Variants in SYT16 observed in about 807,000 individuals in gnomAD.
SYT16 encodes synaptotagmin 16.
In SYT16, 42 loss-of-function variants were observed where a neutral mutation model predicts 61.4. The ratio of observed to expected loss-of-function variants is 0.68; its 90% CI spans 0.53 to 0.89. SYT16 has a LOEUF of 0.89. Ranked by LOEUF, SYT16 falls within the 40% of genes least tolerant of loss-of-function variation. The probability of loss-of-function intolerance (pLI) is 0.00; values close to 1 mark genes in which losing one functional copy is unlikely to be tolerated. For synonymous variants in SYT16, 314 were observed against 302.3 expected, an observed-to-expected ratio of 1.04 and a Z score of -0.40; for missense variants, 804 against 807.3, an observed-to-expected ratio of 1.00 and a Z score of 0.05.
Position 62,104,323 on chromosome 14 carries a change from A to G in SYT16, c.*3616A>G, listed in dbSNP as rs1444480082. The G allele has an allele frequency of 1.3e-5, 2 of 152,206 alleles. No homozygotes were observed. Among genetic ancestry groups the G allele is most frequent in the Admixed American group, 6.5e-5 (1 of 15,276 alleles). The allele number at this position is 152,206 out of a possible 1,614,324, so 9.4% of individuals were successfully genotyped here. ...ATAAAGAAACAGGACTAGAACACGCATGTGGTATCTCCTTTTACTTTTGAG... is the reference window on the plus strand; with the variant it reads ...ATAAAGAAACAGGACTAGAACACGCGTGTGGTATCTCCTTTTACTTTTGAG... On this transcript the variant is annotated 3_prime_UTR_variant, in exon 8 of 8. Coordinates refer to ENST00000683842, the MANE Select transcript of SYT16 (RefSeq NM_001367656.1).
intron 2 of SYT16, among the ~76,000 whole-genome samples, chr14:61,989,065 A>G (rs1290460019): frequency 1.3e-5 from 2 of 152,126 alleles, no homozygotes. Context: ...TATCTTCCAC[A>G]AAAGTTTTTA....
chr14:61,983,476 T>C (rs2052171961), intron 2 of SYT16, among the ~76,000 whole-genome samples: 1 of 152,212 alleles, frequency 6.6e-6, no homozygotes, highest in South Asian at 2.1e-4. Context: ...ACTCTGGATC[T>C]CCTAAACAGT....
chr14:61,981,031 A>C (rs2052051508), intron 2 of SYT16, among the ~76,000 whole-genome samples: 1 of 152,052 alleles, frequency 6.6e-6, no homozygotes, highest in Admixed American at 6.6e-5. Context: ...GAAGCTGGCA[A>C]GTGTTAAATC....
intron 1 of SYT16, among the ~76,000 whole-genome samples, chr14:61,842,624 A>G (rs1309380499): frequency 6.6e-6 from 1 of 152,160 alleles, no homozygotes; most frequent in Non-Finnish European, 1.5e-5. Context: ...TGTCCTTTGT[A>G]GGGACATGGA....
At chr14:61,866,957 AT>A (rs368063351) in intron 1 of SYT16, among the ~76,000 whole-genome samples, 5 of 146,230 alleles carry the variant, frequency 3.4e-5, no homozygotes, top group South Asian at 2.1e-4. Flanking sequence ...GTCTAGGCTC[AT>A]TTTTTTTTTC....
chr14:61,886,273 A>G (rs1311694759), intron 1 of SYT16, among the ~76,000 whole-genome samples: 1 of 151,854 alleles, frequency 6.6e-6, no homozygotes, highest in African/African-American at 2.4e-5. Flanking sequence ...TGGCTGTGGC[A>G]ATTTTTTAAA....
At chr14:61,983,535 T>C (rs34375059) in intron 2 of SYT16, among the ~76,000 whole-genome samples, 3,074 of 152,306 alleles carry the variant, frequency 0.02, 41 homozygotes, top group Non-Finnish European at 0.033. Context: ...GTTTCTGTTT[T>C]TGTTTTTAGA....
At chr14:61,933,248 C>T (rs1213351080) in intron 1 of SYT16, among the ~76,000 whole-genome samples, 1 of 152,172 alleles carries the variant, frequency 6.6e-6, no homozygotes, top group African/African-American at 2.4e-5. Flanking sequence ...GGGGAAGAGA[C>T]AGACACAAAG....
intron 3 of SYT16, among the ~76,000 whole-genome samples, chr14:62,013,802 A>G (rs1247124520): frequency 1.3e-5 from 2 of 152,114 alleles, no homozygotes; most frequent in Non-Finnish European, 2.9e-5. Flanking sequence ...TGTCTCTACA[A>G]AAAGCAAAAA....
In SYT16 at chr14:62,110,870, A is replaced by C. The variant is rs1436709851; in HGVS notation, c.*10163A>C. ...AGAAAAATTCTTCCCCTGCCAAAAA[A>C]GGTCCTTCAATCTCCTTTATTATTT... On this transcript the variant is annotated 3_prime_UTR_variant, in exon 8 of 8. Coordinates refer to ENST00000683842, the MANE Select transcript of SYT16 (RefSeq NM_001367656.1). 1 of 152,032 alleles carries C rather than the reference A, an allele frequency of 6.6e-6. No individual in the cohort carries two copies. The highest frequency in any genetic ancestry group is 6.6e-5 in the Admixed American group (1 of 15,250). 9.4% of individuals were successfully genotyped at this position (152,032 alleles called of 1,614,324 possible). A position where few individuals can be genotyped will look rare whatever the true frequency, so the allele number is the denominator to read the frequency against.
In SYT16 at chr14:62,031,515, A is replaced by G. The variant is rs563539878; in HGVS notation, c.523+34973A>G. On this transcript the variant is annotated intron_variant, in intron 3 of 7. Transcript: ENST00000683842. ...TTCCCTTCTACTAATCATGAAAACA[A>G]GAGGGGCAAATGTGAGCCTGGAAGT... Among the ~76,000 whole-genome samples, 3 of 152,310 alleles carry G rather than the reference A, an allele frequency of 2.0e-5. No individual in the cohort carries two copies. The East Asian group carries it at 5.8e-4, about 29-fold the overall frequency.
At chr14:61,942,048 A>G (rs1381909713) in intron 1 of SYT16, among the ~76,000 whole-genome samples, 2 of 152,234 alleles carry the variant, frequency 1.3e-5, no homozygotes, top group Admixed American at 6.5e-5. Flanking sequence ...CTTTTCTGCA[A>G]CTCAACAATG....
intron 1 of SYT16, among the ~76,000 whole-genome samples, chr14:61,892,838 G>A (rs2048185750): frequency 6.6e-6 from 1 of 152,140 alleles, no homozygotes; most frequent in South Asian, 2.1e-4. Flanking sequence ...GTTCCCATTG[G>A]CCAGGCTTGG....
chr14:62,055,227 T>C (rs1170096056), intron 3 of SYT16, among the ~76,000 whole-genome samples: 2 of 152,178 alleles, frequency 1.3e-5, no homozygotes, highest in East Asian at 3.9e-4. Flanking sequence ...AATGCCACCA[T>C]AGTAGGAAAA....
intron 1 of SYT16, among the ~76,000 whole-genome samples, chr14:61,940,252 T>C (rs886840442): frequency 1.3e-5 from 2 of 152,096 alleles, no homozygotes; most frequent in East Asian, 1.9e-4. Context: ...TTTTTTTTTT[T>C]CTGTTTCCAT....
intron 1 of SYT16, among the ~76,000 whole-genome samples, chr14:61,835,250 A>ATTTTTTTTTTTTTTTTTTTTTTTTTTTTT (rs11378872): frequency 1.8e-5 from 2 of 110,778 alleles, no homozygotes; most frequent in African/African-American, 3.5e-5. Context: ...TGAAAGGTGA[A>ATTTTTTTTTTTTTTTTTTTTTTTTTTTTT]TTTTTTTTTT....
At position 62,105,197 on chromosome 14, in the gene SYT16, C is replaced by A. The variant is rs2057492678; in HGVS notation, c.*4490C>A. The A allele has an allele frequency of 6.6e-6, 1 of 152,114 alleles. No individual in the cohort carries two copies. The highest frequency in any genetic ancestry group is 2.4e-5 in the African/African-American group (1 of 41,428). The allele number at this position is 152,114 out of a possible 1,614,324, so 9.4% of individuals were successfully genotyped here. ...CCCTTAGTTTGGAGGGAGTACAAAT[C>A]CTTGATGGTTTGTGTGTACCTCTTG... On this transcript the variant is annotated 3_prime_UTR_variant, in exon 8 of 8. Transcript: ENST00000683842.
chr14:62,069,618 A>T lies in SYT16; in HGVS notation c.539A>T (p.Asp180Val). 6.2e-7 allele frequency: 1 copy of T among 1,613,856 alleles called. No homozygotes were observed. The highest frequency in any genetic ancestry group is 1.7e-5 in the Admixed American group (1 of 60,010). ...NGKKQVNSFG[D>V]DEELSTSSDS... ...TTACTCCCAGTCAACAGCTTTGGGGATGACGAAGAGCTGTCCACATCTTCT... is the reference window on the plus strand; with the variant it reads ...TTACTCCCAGTCAACAGCTTTGGGGTTGACGAAGAGCTGTCCACATCTTCT... The change falls in exon 4 of 8, where the codon GAT (aspartate) becomes GTT (valine). Residue 180 changes from aspartate to valine, a missense_variant. Transcript: ENST00000683842.
intron 7 of SYT16, among the ~76,000 whole-genome samples, chr14:62,094,537 G>A (rs548448029): frequency 3.3e-5 from 5 of 152,064 alleles, no homozygotes; most frequent in South Asian, 2.1e-4. Flanking sequence ...ATGGATCTTC[G>A]CTGTTATATC....
Sources: allele counts gnomAD v4.1 joint callset (sites outside exome capture counted in the v4.1 genomes callset), GRCh38; gene constraint gnomAD v4.1.1; transcripts MANE v1.5; gene names NCBI Gene and HGNC (gene_info 2026-07-23, HGNC 2026-07-21).